Variants in CHD9 observed in about 807,000 individuals in gnomAD.
CHD9 encodes chromodomain helicase DNA binding protein 9.
In CHD9, 77 loss-of-function variants were observed where a neutral mutation model predicts 316.1. The ratio of observed to expected loss-of-function variants is 0.24; its 90% confidence interval spans 0.20 to 0.29. CHD9 has a LOEUF of 0.29. CHD9 is among the 10% of genes least tolerant of loss of function. The probability of loss-of-function intolerance (pLI) is 1.00; values close to 1 mark genes in which losing one functional copy is unlikely to be tolerated. For missense variants in CHD9, 2,763 were observed against 3,438.1 expected (o/e 0.80, Z 4.91); for synonymous variants, 1,129 against 1,158.3 (o/e 0.97, Z 0.51).
At position 53,303,971 on chromosome 16, in the gene CHD9, G is replaced by T; in HGVS notation, c.5965G>T (p.Asp1989Tyr). The T allele has an allele frequency of 6.2e-7, 1 of 1,614,006 alleles. No homozygotes were observed. The highest frequency in any genetic ancestry group is 8.5e-7 in the Non-Finnish European group (1 of 1,179,902). The change falls in exon 31 of 39, where the codon GAT becomes TAT. Residue 1989 changes from aspartate (D) to tyrosine (Y), a missense_variant. Transcript: ENST00000447540. ...CCGAACAGACTATCACATTCTTCGT[G>T]ATCCTGAACTCTCATTTATGGCAGC... ...VSRTDYHILR[D>Y]PELSFMAAQR... is the part of the protein sequence containing the mutation.
rs1229962772 is a variant in CHD9, at chr16:53,326,927, A to G, written c.*2032A>G. The G allele has an allele frequency of 6.6e-6, 1 of 152,156 alleles. No individual in the cohort carries two copies. The highest frequency in any genetic ancestry group is 2.1e-4 in the South Asian group (1 of 4,828). 9.4% of individuals were successfully genotyped at this position (152,156 alleles called of 1,614,324 possible). On this transcript the variant is annotated 3_prime_UTR_variant, in exon 39 of 39. Transcript: ENST00000447540. ...ATCTTGTCACTAAAATCTAATTTATATCAAATTTATGAGAGAAAGTATTTT... is the reference window on the plus strand; with the variant it reads ...ATCTTGTCACTAAAATCTAATTTATGTCAAATTTATGAGAGAAAGTATTTT...
At position 53,056,408 on chromosome 16, in the gene CHD9, G is replaced by A. The variant is rs115935124; in HGVS notation, c.-165+1331G>A. ...TCACCCTATGCTAGAGGCTTTCTGT[G>A]CAGGGCCAAGTTAGACTCCTGACCA... On this transcript the variant is annotated intron_variant, in intron 1 of 38. Coordinates refer to ENST00000447540, the MANE Select transcript of CHD9 (RefSeq NM_001308319.2). Among the ~76,000 whole-genome samples the A allele has an allele frequency of 5.0e-3, 764 of 152,276 alleles. 10 individuals are homozygous for A. Among genetic ancestry groups the A allele is most frequent in the African/African-American group, 0.017 (692 of 41,530 alleles).
chr16:53,253,594 A>G (rs2050310701), intron 17 of CHD9, among the ~76,000 whole-genome samples: 1 of 152,218 alleles, frequency 6.6e-6, no homozygotes, highest in Non-Finnish European at 1.5e-5. Context: ...ATGGAAAAAA[A>G]GTACCCAGCT....
intron 2 of CHD9, among the ~76,000 whole-genome samples, chr16:53,181,383 CATGTA>C (rs1344278207): frequency 6.6e-6 from 1 of 151,890 alleles, no homozygotes; most frequent in Non-Finnish European, 1.5e-5. Context: ...TGAAACTTGT[CATGTA>C]AAGTTTTTTG....
At chr16:53,320,625 A>T (rs1381215396) in intron 37 of CHD9, among the ~76,000 whole-genome samples, 1 of 152,214 alleles carries the variant, frequency 6.6e-6, no homozygotes, top group African/African-American at 2.4e-5. Flanking sequence ...GTATAGAAGA[A>T]GAAATTACTC....
intron 1 of CHD9, among the ~76,000 whole-genome samples, chr16:53,147,956 C>T (rs1567376472): frequency 2.0e-5 from 3 of 152,070 alleles, no homozygotes; most frequent in South Asian, 2.1e-4. Flanking sequence ...GTAATCTCAG[C>T]ACTTTGGGAG....
chr16:53,143,481 G>A (rs1056505401), intron 1 of CHD9, among the ~76,000 whole-genome samples: 6 of 151,126 alleles, frequency 4.0e-5, no homozygotes, highest in Non-Finnish European at 7.4e-5. Flanking sequence ...TCCGCCTCCC[G>A]GGTTCATACC....
chr16:53,247,267 G>A, intron 15 of CHD9, 26 bp from the exon 16 acceptor site: 1 of 1,518,400 alleles, frequency 6.6e-7, no homozygotes, highest in Non-Finnish European at 9.0e-7. Context: ...GCACATTGCT[G>A]TTATCTTCTC....
At chr16:53,167,872 A>G (rs1007063945) in intron 2 of CHD9, among the ~76,000 whole-genome samples, 2 of 152,116 alleles carry the variant, frequency 1.3e-5, no homozygotes. Flanking sequence ...TTTTTGTTAA[A>G]AAAAGGGTTA....
Position 53,318,311 on chromosome 16 carries a change from C to A in CHD9, c.7684C>A (p.Gln2562Lys). The stretch of plus-strand genomic sequence containing the variant: ...TAGTCTCACTGGAGAAGAACGTGTT[C>A]AACTGATTAACAGAAGAAATGCTAG... ...VNSLTGEERV[Q>K]LINRRNARKV... The change falls in exon 37 of 39, where the codon CAA becomes AAA. Residue 2562 changes from glutamine (Q) to lysine (K), a missense_variant. By Grantham distance (53) the Gln-to-Lys change is moderately conservative. Transcript: ENST00000447540. The A allele has an allele frequency of 6.2e-7, 1 of 1,607,036 alleles. No individual in the cohort carries two copies. The highest frequency in any genetic ancestry group is 1.1e-5 in the South Asian group (1 of 89,180).
chr16:53,077,520 G>C (rs569424533), intron 1 of CHD9, among the ~76,000 whole-genome samples: 39 of 151,136 alleles, frequency 2.6e-4, no homozygotes, highest in Non-Finnish European at 4.3e-4. Flanking sequence ...GTAGAGACGG[G>C]GTTTCACCAT....
At chr16:53,277,680 A>T (rs1354574805) in intron 24 of CHD9, among the ~76,000 whole-genome samples, 1 of 152,152 alleles carries the variant, frequency 6.6e-6, no homozygotes, top group East Asian at 1.9e-4. Context: ...AGTTGAAAAT[A>T]TTCCCTCTGA....
intron 1 of CHD9, among the ~76,000 whole-genome samples, chr16:53,069,325 C>T (rs1387564601): frequency 6.6e-6 from 1 of 152,176 alleles, no homozygotes; most frequent in African/African-American, 2.4e-5. Flanking sequence ...TAGTTCAATG[C>T]ATTAAGTGCG....
intron 2 of CHD9, among the ~76,000 whole-genome samples, chr16:53,195,585 C>G (rs1358522095): frequency 6.6e-6 from 1 of 152,050 alleles, no homozygotes; most frequent in East Asian, 1.9e-4. Flanking sequence ...CATTTCCTTG[C>G]AACTGTAGAA....
chr16:53,194,157 G>T (rs1334612713), intron 2 of CHD9, among the ~76,000 whole-genome samples: 4 of 151,784 alleles, frequency 2.6e-5, no homozygotes, highest in Admixed American at 2.6e-4. Context: ...AGAATTCAAG[G>T]TTCCAGTGAG....
chr16:53,132,492 T>C (rs1328965868), intron 1 of CHD9, among the ~76,000 whole-genome samples: 3 of 152,192 alleles, frequency 2.0e-5, no homozygotes, highest in Non-Finnish European at 4.4e-5. Flanking sequence ...GTAGAAGTAG[T>C]TTTAAAAGAA....
In CHD9 at chr16:53,307,865, G is replaced by T. The variant is rs753044151; in HGVS notation, c.6965G>T (p.Gly2322Val). The T allele has an allele frequency of 6.2e-7, 1 of 1,613,798 alleles. No individual in the cohort carries two copies. The highest frequency in any genetic ancestry group is 1.1e-5 in the South Asian group (1 of 91,006). Residue 2322 changes from glycine to valine, a missense_variant, in exon 33 of 39, where the codon GGT becomes GTT. Around this residue, in one of 15 missense-constraint regions of CHD9, gnomAD observed 663 missense variants for 751.2 expected, o/e 0.88. Coordinates refer to ENST00000447540, the MANE Select transcript of CHD9 (RefSeq NM_001308319.2). ...DPSVPTPPGA[G>V]VKEEHDQSTQ... Reference sequence around the variant, plus strand: ...AGTGTACCCACTCCCCCAGGTGCCGGTGTTAAAGAAGAACATGATCAGTCA... The same window carrying T: ...AGTGTACCCACTCCCCCAGGTGCCGTTGTTAAAGAAGAACATGATCAGTCA...
chr16:53,132,104 TTG>T lies in CHD9; in HGVS notation c.-164-23821_-164-23820del, dbSNP rs1491198839. 1.0e-4 allele frequency among the ~76,000 whole-genome samples: 14 copies of T among 139,474 alleles called. No homozygotes were observed. In the East Asian group the frequency reaches 1.2e-3, roughly 12 times the overall value. The allele number at this position is 139,474 out of a possible 152,430, so 91.5% of individuals were successfully genotyped here. On this transcript the variant is annotated intron_variant, in intron 1 of 38. Transcript: ENST00000447540. The stretch of plus-strand genomic sequence containing the variant: ...TTTTTATTTTTAAAAAAAATTTTTT[TTG>T]GGGGGGGTGGTTTGCTTTTTTTTCT...
At position 53,238,344 on chromosome 16, in the gene CHD9, C is replaced by T. The variant is rs1567537705; in HGVS notation, c.2635C>T (p.Arg879Ter). The T allele has an allele frequency of 3.1e-6, 5 of 1,609,350 alleles. No individual in the cohort carries two copies. The highest frequency in any genetic ancestry group is 3.4e-6 in the Non-Finnish European group (4 of 1,177,048). ...GGATAATGTATTTGTTTATTTCAGA[C>T]GAAACTGCATCTTAGCAGATGAAAT... Reference protein sequence around the residue: ...NWLLFNWYNRRNCILADEMGL... With the variant: ...NWLLFNWYNR The change falls in exon 12 of 39, where the codon CGA becomes TGA. Residue 879 changes from arginine (R) to a stop codon, truncating the protein, a stop_gained and splice_region_variant. Transcript: ENST00000447540. LOFTEE classifies it high-confidence loss of function.
Sources: gnomAD v4.1 joint callset for allele counts (sites outside exome capture counted in the v4.1 genomes callset) on GRCh38, gnomAD v4.1.1 for gene constraint, gnomAD v4.1.1 regional missense constraint, MANE v1.5 for transcripts, NCBI Gene and HGNC (gene_info 2026-07-23, HGNC 2026-07-21) for gene names.